The following IGSF21 variants were observed in gnomAD, a reference collection of about 807,000 sequenced individuals.
IGSF21 encodes the protein immunoglobulin superfamily member 21.
In IGSF21, 28 loss-of-function variants were observed where a neutral mutation model predicts 46.8. The observed-to-expected ratio is 0.60, with a 90% CI of 0.44 to 0.82. The LOEUF (loss-of-function observed/expected upper bound fraction) is 0.82. Among genes scored for constraint, IGSF21 ranks in the 40% least tolerant of loss-of-function variants. The pLI is 0.00. For synonymous variants in IGSF21, 284 were observed against 273.6 expected (o/e 1.04, Z -0.38); for missense variants, 624 against 665.5 (o/e 0.94, Z 0.69).
intron 1 of IGSF21, among the ~76,000 whole-genome samples, chr1:18,154,779 C>T (rs573841617): frequency 9.9e-5 from 15 of 151,882 alleles, no homozygotes; most frequent in African/African-American, 3.4e-4. Context: ...CCTTTCCCCT[C>T]CCTTTCCCTC....
chr1:18,139,002 G>C (rs76980686), intron 1 of IGSF21, among the ~76,000 whole-genome samples: 21,180 of 152,078 alleles, frequency 0.14, 1,566 homozygotes, highest in Middle Eastern at 0.17. Flanking sequence ...GTGCTTGGTC[G>C]TGGCTTTGCC....
intron 2 of IGSF21, among the ~76,000 whole-genome samples, chr1:18,260,220 T>A (rs2084933801): frequency 6.6e-6 from 1 of 151,730 alleles, no homozygotes; most frequent in African/African-American, 2.4e-5. Flanking sequence ...CCGAGGAGAG[T>A]GAAAGCCCAA....
rs1217636613 is a variant in IGSF21, at chr1:18,290,812, C to T, written c.184-1054C>T. On this transcript the variant is annotated intron_variant, in intron 2 of 9. Transcript: ENST00000251296. The surrounding 1 kb of genome is among the most constrained non-coding windows in gnomAD (Gnocchi z 4.2). ...CCCCTACCCCAGCCCCTTGGAGTCA[C>T]CCGTCCCTAGCCAGCCCCCTCCCTG... Among the ~76,000 whole-genome samples the T allele has an allele frequency of 6.6e-6, 1 of 151,954 alleles. No individual in the cohort carries two copies. The highest frequency in any genetic ancestry group is 6.5e-5 in the Admixed American group (1 of 15,270).
In IGSF21 at chr1:18,364,189, T is replaced by G. The variant is rs147664883; in HGVS notation, c.541-1034T>G. On this transcript the variant is annotated intron_variant, in intron 5 of 9. Transcript: ENST00000251296. ...TCATCTCCCCAAATCCCAGGCATCT[T>G]ATGTTTGCCTGAGACATCAGAACTT... is the stretch of plus-strand genomic sequence containing the variant. 1.6e-4 allele frequency among the ~76,000 whole-genome samples: 24 copies of G among 152,260 alleles called. No homozygotes were observed. The East Asian group carries it at 4.6e-3, about 29-fold the overall frequency.
chr1:18,160,994 G>T (rs2086615601), intron 1 of IGSF21, among the ~76,000 whole-genome samples: 1 of 152,130 alleles, frequency 6.6e-6, no homozygotes, highest in Non-Finnish European at 1.5e-5. Context: ...AGTCATTATG[G>T]GTGCAGGGGA....
chr1:18,321,145 A>T (rs574138362), intron 3 of IGSF21, among the ~76,000 whole-genome samples: 40 of 152,256 alleles, frequency 2.6e-4, no homozygotes, highest in Admixed American at 2.2e-3. Context: ...GACCCATATG[A>T]TGCATTCTTG....
intron 5 of IGSF21, among the ~76,000 whole-genome samples, chr1:18,362,523 CTGACCCCAGTTAT>C (rs1195446854): frequency 6.6e-6 from 1 of 152,204 alleles, no homozygotes; most frequent in East Asian, 1.9e-4. Flanking sequence ...CCCAGCATGC[CTGACCCCAGTTAT>C]TGAGTCCCAC....
chr1:18,115,734 A>G (rs375613755), intron 1 of IGSF21: 1 of 151,342 alleles, frequency 6.6e-6, no homozygotes, highest in East Asian at 2.0e-4. Flanking sequence ...ACTGTCCTAG[A>G]TGGGTGATGG....
chr1:18,165,207 C>A (rs1302721173), intron 1 of IGSF21, among the ~76,000 whole-genome samples: 1 of 152,036 alleles, frequency 6.6e-6, no homozygotes, highest in Admixed American at 6.5e-5. Context: ...TAGCAAAATA[C>A]CACAAACTGG....
At chr1:18,363,154 T>C (rs1280348167) in intron 5 of IGSF21, among the ~76,000 whole-genome samples, 2 of 152,206 alleles carry the variant, frequency 1.3e-5, no homozygotes, top group Non-Finnish European at 2.9e-5. Flanking sequence ...TGGAGAAAGT[T>C]TGGGCTACGT....
intron 5 of IGSF21, among the ~76,000 whole-genome samples, chr1:18,364,691 G>A (rs771845354): frequency 5.3e-5 from 8 of 152,056 alleles, no homozygotes; most frequent in Non-Finnish European, 1.2e-4. Flanking sequence ...TCCCACACAT[G>A]CACCTGTTTT....
chr1:18,227,075 C>G (rs1157222808), intron 1 of IGSF21, among the ~76,000 whole-genome samples: 1 of 152,182 alleles, frequency 6.6e-6, no homozygotes, highest in Admixed American at 6.5e-5. Context: ...TGGTAGTAGT[C>G]CGGGAAGCAT....
rs138761670 is a variant in IGSF21 at position 18,193,255 on chromosome 1, G to A, written c.71-34643G>A. Among the ~76,000 whole-genome samples, 1,028 of 152,296 alleles carry A rather than the reference G, an allele frequency of 6.8e-3. 5 individuals are homozygous for A. Among genetic ancestry groups the A allele is most frequent in the African/African-American group, 0.024 (991 of 41,562 alleles). On this transcript the variant is annotated intron_variant, in intron 1 of 9. Coordinates refer to ENST00000251296, the MANE Select transcript of IGSF21 (RefSeq NM_032880.5). ...GAGAAAAGAGGCAGTGGGAGAGCCAGTGTGGCTGGAGCTGTGGTCAGGGGC... is the reference window on the plus strand; with the variant it reads ...GAGAAAAGAGGCAGTGGGAGAGCCAATGTGGCTGGAGCTGTGGTCAGGGGC...
At chr1:18,235,909 GT>G (rs548510844) in intron 2 of IGSF21, among the ~76,000 whole-genome samples, 1 of 152,222 alleles carries the variant, frequency 6.6e-6, no homozygotes, top group Admixed American at 6.5e-5. Flanking sequence ...CAGGATGGTG[GT>G]AGTGGAGATG....
intron 4 of IGSF21, among the ~76,000 whole-genome samples, chr1:18,357,770 C>T (rs1343860129): frequency 6.6e-6 from 1 of 152,096 alleles, no homozygotes; most frequent in Admixed American, 6.5e-5. Flanking sequence ...CAGAGCCCTC[C>T]ACCAGGAGAC....
At chr1:18,363,732 G>A (rs2086128785) in intron 5 of IGSF21, among the ~76,000 whole-genome samples, 1 of 151,918 alleles carries the variant, frequency 6.6e-6, no homozygotes, top group South Asian at 2.1e-4. Flanking sequence ...GTGATGGGCA[G>A]GGGAGTAGAG....
chr1:18,283,268 C>A (rs1490684783), intron 2 of IGSF21, among the ~76,000 whole-genome samples: 1 of 152,252 alleles, frequency 6.6e-6, no homozygotes, highest in Non-Finnish European at 1.5e-5. Context: ...CCAGGGGAAG[C>A]CAATTACCTT....
At chr1:18,130,934 T>C (rs2086314997) in intron 1 of IGSF21, among the ~76,000 whole-genome samples, 1 of 152,194 alleles carries the variant, frequency 6.6e-6, no homozygotes, top group Non-Finnish European at 1.5e-5. Flanking sequence ...TCTCACAGCC[T>C]GTATGGGGGA....
intron 3 of IGSF21, among the ~76,000 whole-genome samples, chr1:18,313,944 C>T (rs954821277): frequency 6.6e-6 from 1 of 152,160 alleles, no homozygotes; most frequent in Non-Finnish European, 1.5e-5. Context: ...TTACAGCCGT[C>T]TCAGGAAGAC....
Sources: allele counts gnomAD v4.1 joint callset (sites outside exome capture counted in the v4.1 genomes callset), GRCh38; gene constraint gnomAD v4.1.1; non-coding constraint Gnocchi (gnomAD v3.1); transcripts MANE v1.5; gene names NCBI Gene and HGNC (gene_info 2026-07-23, HGNC 2026-07-21).